Variants in DPP10 observed in about 807,000 individuals in gnomAD.
The protein encoded by DPP10 is dipeptidyl peptidase like 10.
DPP10 carries 33 observed loss-of-function variants against 120.9 expected under a neutral mutation model. The observed-to-expected ratio is 0.27, with a 90% CI of 0.21 to 0.37. DPP10 has a LOEUF of 0.37. DPP10 is among the 10% of genes least tolerant of loss of function. DPP10 has a pLI of 1.00. For synonymous variants in DPP10, 337 were observed against 326.1 expected (o/e 1.03, Z -0.36); for missense variants, 816 against 942.8 (o/e 0.87, Z 1.76).
In DPP10 at chr2:115,001,728, A is replaced by G. The variant is rs578064202; in HGVS notation, c.61-307511A>G. ...GTACAAAAGTCAGGTGCAATTCCAA[A>G]CACTAGCAACATCCAAGCTGAGAGC... On this transcript the variant is annotated intron_variant, in intron 1 of 25. Transcript: ENST00000410059. Among the ~76,000 whole-genome samples, 4 of 152,254 alleles carry G rather than the reference A, an allele frequency of 2.6e-5. No homozygotes were observed. In the East Asian group the frequency reaches 7.7e-4, roughly 29 times the overall value.
intron 3 of DPP10, among the ~76,000 whole-genome samples, chr2:115,406,763 C>T (rs1196345320): frequency 2.6e-5 from 4 of 151,974 alleles, no homozygotes; most frequent in Non-Finnish European, 5.9e-5. Flanking sequence ...AGGTACTTAA[C>T]ACTAGAGCTT....
chr2:115,589,798 C>T (rs1184086760), intron 5 of DPP10, among the ~76,000 whole-genome samples: 1 of 152,128 alleles, frequency 6.6e-6, no homozygotes, highest in Admixed American at 6.6e-5. Context: ...TAAGTAATAT[C>T]CTAAGACTGG....
chr2:115,054,530 A>G (rs1039928711), intron 1 of DPP10, among the ~76,000 whole-genome samples: 4 of 152,196 alleles, frequency 2.6e-5, no homozygotes, highest in Admixed American at 1.3e-4. Flanking sequence ...ACCTTAGTTA[A>G]ACTAAAGCTG....
chr2:115,085,081 T>C (rs921207570), intron 1 of DPP10, among the ~76,000 whole-genome samples: 1 of 152,178 alleles, frequency 6.6e-6, no homozygotes, highest in African/African-American at 2.4e-5. Flanking sequence ...GCCCCCTGGC[T>C]TATCTCTTGT....
At chr2:115,394,647 A>T (rs2067554864) in intron 3 of DPP10, among the ~76,000 whole-genome samples, 1 of 152,158 alleles carries the variant, frequency 6.6e-6, no homozygotes, top group Admixed American at 6.6e-5. Flanking sequence ...CCCATATCAG[A>T]TGCAATCTTT....
chr2:114,962,836 A>G (rs1376446722), intron 1 of DPP10, among the ~76,000 whole-genome samples: 1 of 152,202 alleles, frequency 6.6e-6, no homozygotes, highest in Non-Finnish European at 1.5e-5. Flanking sequence ...TATTATTCCA[A>G]AGCCTCATCT....
intron 7 of DPP10, among the ~76,000 whole-genome samples, chr2:115,699,711 A>G (rs2149528493): frequency 6.6e-6 from 1 of 152,328 alleles, no homozygotes; most frequent in Admixed American, 6.5e-5. Context: ...TCCTGATACA[A>G]AAATCTATAC....
intron 1 of DPP10, among the ~76,000 whole-genome samples, chr2:115,049,114 C>G (rs1009192033): frequency 6.6e-6 from 1 of 151,850 alleles, no homozygotes; most frequent in African/African-American, 2.4e-5. Context: ...TGAGTTGAAC[C>G]ATGAGAAATG....
intron 5 of DPP10, among the ~76,000 whole-genome samples, chr2:115,591,901 C>T (rs942038826): frequency 2.6e-5 from 4 of 152,056 alleles, no homozygotes; most frequent in African/African-American, 9.7e-5. Flanking sequence ...CTATCCTATC[C>T]TATTTTATTC....
chr2:115,534,987 A>G (rs2078717660), intron 5 of DPP10, among the ~76,000 whole-genome samples: 3 of 147,786 alleles, frequency 2.0e-5, no homozygotes, highest in African/African-American at 2.5e-5. Context: ...AATTTGTTTG[A>G]GTTCATTGTA....
chr2:115,715,568 A>T (rs2092467215), intron 7 of DPP10, among the ~76,000 whole-genome samples: 1 of 152,100 alleles, frequency 6.6e-6, no homozygotes, highest in Non-Finnish European at 1.5e-5. Flanking sequence ...GCTCTTCCTT[A>T]TCCTTCTCAT....
At chr2:114,814,167 G>A (rs894668589) in intron 1 of DPP10, among the ~76,000 whole-genome samples, 2 of 152,124 alleles carry the variant, frequency 1.3e-5, no homozygotes, top group African/African-American at 2.4e-5. Context: ...ATTTAACAAA[G>A]CAATACAACC....
intron 1 of DPP10, among the ~76,000 whole-genome samples, chr2:114,880,705 T>A (rs1691530697): frequency 6.6e-6 from 1 of 152,132 alleles, no homozygotes; most frequent in African/African-American, 2.4e-5. Flanking sequence ...TGAGGAAATA[T>A]ACAAAATGTG....
chr2:115,615,870 C>G (rs1265986847), intron 5 of DPP10, among the ~76,000 whole-genome samples: 1 of 151,930 alleles, frequency 6.6e-6, no homozygotes, highest in African/African-American at 2.4e-5. Flanking sequence ...TTATGAAGAA[C>G]TAATATTATA....
intron 1 of DPP10, among the ~76,000 whole-genome samples, chr2:114,556,234 CATATATATATATATATAT>C (rs56772742): frequency 0.051 from 4,412 of 86,988 alleles, 403 homozygotes; most frequent in East Asian, 0.41. Context: ...ATAGATGATA[CATATATATATATATATAT>C]ATATATATAT....
At chr2:115,459,393 G>T (rs1016513594) in intron 3 of DPP10, among the ~76,000 whole-genome samples, 2 of 151,980 alleles carry the variant, frequency 1.3e-5, no homozygotes, top group Admixed American at 6.6e-5. Flanking sequence ...TTGACCTCAG[G>T]TGATCCACCC....
chr2:114,497,272 C>T (rs1682670378), intron 1 of DPP10, among the ~76,000 whole-genome samples: 1 of 50,634 alleles, frequency 2.0e-5, no homozygotes, highest in South Asian at 7.0e-4. Context: ...TATACATGTA[C>T]ATGTATACGT....
At chr2:114,803,445 C>G (rs1396895472) in intron 1 of DPP10, among the ~76,000 whole-genome samples, 1 of 152,096 alleles carries the variant, frequency 6.6e-6, no homozygotes, top group African/African-American at 2.4e-5. Flanking sequence ...TTGGAGAGCT[C>G]AGAAGAAGAG....
intron 5 of DPP10, among the ~76,000 whole-genome samples, chr2:115,590,151 TTTA>T (rs59816892): frequency 0.38 from 52,970 of 138,404 alleles, 10,883 homozygotes; most frequent in African/African-American, 0.55. Flanking sequence ...ATTTGTTTTC[TTTA>T]TTATTATTAT....
Sources: allele counts gnomAD v4.1 joint callset (sites outside exome capture counted in the v4.1 genomes callset), GRCh38; gene constraint gnomAD v4.1.1; transcripts MANE v1.5; gene names NCBI Gene and HGNC (gene_info 2026-07-23, HGNC 2026-07-21).